USP31: variants seen among roughly 807,000 people sequenced by gnomAD.
USP31 encodes ubiquitin carboxyl-terminal hydrolase 31.
In USP31, 44 loss-of-function variants were observed where a neutral mutation model predicts 119.4. That is an observed-to-expected ratio of 0.37 (90% CI 0.29 to 0.47). The LOEUF (loss-of-function observed/expected upper bound fraction) is 0.47. Ranked by LOEUF, USP31 falls within the 20% of genes least tolerant of loss-of-function variation. USP31 has a pLI of 0.99. For missense variants in USP31, 1,643 were observed against 1,730.2 expected, an observed-to-expected ratio of 0.95 and a Z score of 0.89; for synonymous variants, 749 against 705.6, an observed-to-expected ratio of 1.06 and a Z score of -0.97.
intron 1 of USP31, among the ~76,000 whole-genome samples, chr16:23,131,978 T>A (rs1346565208): frequency 6.6e-6 from 1 of 152,158 alleles, no homozygotes. Context: ...TTCTAAAGCG[T>A]CAACTGTTTA....
intron 6 of USP31, among the ~76,000 whole-genome samples, chr16:23,099,634 T>C (rs895063392): frequency 2.6e-5 from 4 of 152,114 alleles, no homozygotes; most frequent in African/African-American, 7.2e-5. Context: ...TTTGATAAAG[T>C]GTCAGACATG....
rs1419653046 is a variant in USP31, at chr16:23,065,776, G to T, written c.*2270C>A. 1 of 151,880 alleles carries T rather than the reference G, an allele frequency of 6.6e-6. No individual in the cohort carries two copies. Among genetic ancestry groups the T allele is most frequent in the African/African-American group, 2.4e-5 (1 of 41,300 alleles). The allele number at this position is 151,880 out of a possible 1,614,324, so 9.4% of individuals were successfully genotyped here. On this transcript the variant is annotated 3_prime_UTR_variant, in exon 16 of 16. Coordinates refer to ENST00000219689, the MANE Select transcript of USP31 (RefSeq NM_020718.4). ...CAAGAATAAAAATATTTACCACTGTGAAAATTAAACTAGTTTCTATTAATG... is the reference window on the plus strand; with the variant it reads ...CAAGAATAAAAATATTTACCACTGTTAAAATTAAACTAGTTTCTATTAATG...
intron 1 of USP31, among the ~76,000 whole-genome samples, chr16:23,144,332 G>T (rs1172846486): frequency 6.6e-6 from 1 of 152,124 alleles, no homozygotes; most frequent in Non-Finnish European, 1.5e-5. Flanking sequence ...GCTGCCTGGA[G>T]CCCTTCTAGA....
chr16:23,095,042 T>A (rs1348635718), intron 6 of USP31, among the ~76,000 whole-genome samples: 2 of 152,082 alleles, frequency 1.3e-5, no homozygotes, highest in Admixed American at 1.3e-4. Flanking sequence ...AGAAGGTTGG[T>A]TCTCTGAGCT....
chr16:23,068,520 G>C lies in USP31; in HGVS notation c.3585C>G (p.His1195Gln). The change falls in exon 16 of 16, where the codon CAC (histidine) becomes CAG (glutamine). Residue 1195 changes from histidine (H) to glutamine (Q), a missense_variant. Around this residue, in one of 5 missense-constraint regions of USP31, gnomAD observed 699 missense variants for 650.9 expected, o/e 1.07. Transcript: ENST00000219689. Reference protein sequence around the residue: ...RAGEGRGAGKHVRSSSMASLR... With the variant: ...RAGEGRGAGKQVRSSSMASLR... ...GGCTGGCCATGGAGGAGCTCCGCAC[G>C]TGCTTCCCGGCCCCCCTGCCCTCCC... 6.2e-7 allele frequency: 1 copy of C among 1,613,838 alleles called. No individual in the cohort carries two copies. Among genetic ancestry groups the C allele is most frequent in the Non-Finnish European group, 8.5e-7 (1 of 1,179,888 alleles).
At chr16:23,085,694 A>C in intron 9 of USP31, 32 bp from the exon 10 acceptor site, 3 of 1,535,112 alleles carry the variant, frequency 2.0e-6, no homozygotes. Flanking sequence ...GAGGGAAGCC[A>C]CATATTATTT....
Position 23,068,592 on chromosome 16 carries a change from G to A in USP31, c.3513C>T (p.Thr1171=). 1.2e-6 allele frequency: 2 copies of A among 1,614,222 alleles called. No homozygotes were observed. The highest frequency in any genetic ancestry group is 1.7e-6 in the Non-Finnish European group (2 of 1,180,044). Reference sequence around the variant, plus strand: ...GAGGGGAATTGGGTTTGGAGGTGGAGGTGGCGCTGGCTCTGTCAGAACCCA... The same window carrying A: ...GAGGGGAATTGGGTTTGGAGGTGGAAGTGGCGCTGGCTCTGTCAGAACCCA... The part of the protein sequence containing the change: ...QSLGSDRASA[T]STSKPNSPRV... The change falls in exon 16 of 16, where the codon ACC becomes ACT. Residue 1171 remains threonine (T), a synonymous_variant. Transcript: ENST00000219689.
rs1358744007 is a variant in USP31, at chr16:23,064,099, T to TAC, written c.*3945_*3946dup. On this transcript the variant is annotated 3_prime_UTR_variant, in exon 16 of 16. Coordinates refer to ENST00000219689, the MANE Select transcript of USP31 (RefSeq NM_020718.4). ...GTTTGCCTTTCTCAACTACAAATAATACAAAGTTCCACGCACCTCCAGAAT... is the reference window on the plus strand; with the variant it reads ...GTTTGCCTTTCTCAACTACAAATAATACACAAAGTTCCACGCACCTCCAGAAT... The TAC allele has an allele frequency of 6.6e-6, 1 of 152,638 alleles. No homozygotes were observed. The highest frequency in any genetic ancestry group is 1.5e-5 in the Non-Finnish European group (1 of 68,034). The allele number at this position is 152,638 out of a possible 1,614,324, so 9.5% of individuals were successfully genotyped here. A position where few individuals can be genotyped will look rare whatever the true frequency, so the allele number is the denominator to read the frequency against.
chr16:23,089,064 A>T (rs1901237289), intron 7 of USP31, among the ~76,000 whole-genome samples: 1 of 152,218 alleles, frequency 6.6e-6, no homozygotes, highest in South Asian at 2.1e-4. Context: ...ATATTTTTTT[A>T]AAATAATGAC....
At chr16:23,108,868 T>C (rs1000954835) in intron 1 of USP31, among the ~76,000 whole-genome samples, 1 of 152,236 alleles carries the variant, frequency 6.6e-6, no homozygotes, top group African/African-American at 2.4e-5. Context: ...TTTGCTAAAA[T>C]GCTAAACTTT....
chr16:23,148,580 C>G, intron 1 of USP31, 58 bp downstream of exon 1: 1 of 1,405,222 alleles, frequency 7.1e-7, no homozygotes, highest in Admixed American at 3.5e-5. Flanking sequence ...AAGACCTGGG[C>G]GGGCAGGTGC....
At chr16:23,140,867 G>C (rs1259002015) in intron 1 of USP31, among the ~76,000 whole-genome samples, 2 of 152,152 alleles carry the variant, frequency 1.3e-5, no homozygotes, top group Admixed American at 6.6e-5. Context: ...CTCTGCTCCA[G>C]TGTCTTGCCA....
chr16:23,102,441 T>C lies in USP31; in HGVS notation c.1112A>G (p.Tyr371Cys), dbSNP rs114649866. ...TDQIVLTEMY[Y>C]DGFHRSFCDT... The stretch of plus-strand genomic sequence containing the variant: ...ACAAAAGGAACGATGGAACCCATCA[T>C]AGTACATTTCTGTTAACACAATCTA... The change falls in exon 6 of 16, where the codon TAT (tyrosine) becomes TGT (cysteine). Residue 371 changes from tyrosine (Y) to cysteine (C), a missense_variant. By Grantham distance (194) the Tyr-to-Cys change is radical. Transcript: ENST00000219689. 388 of 1,611,202 alleles carry C rather than the reference T, an allele frequency of 2.4e-4. 3 individuals carry two copies. The East Asian group carries it at 8.5e-3, about 35-fold the overall frequency.
intron 13 of USP31, among the ~76,000 whole-genome samples, chr16:23,078,319 A>AGC (rs1567227330): frequency 6.6e-6 from 1 of 151,836 alleles, no homozygotes; most frequent in Non-Finnish European, 1.5e-5. Flanking sequence ...GCAAAAAAAA[A>AGC]AAAAAAAAAA....
chr16:23,090,592 A>C (rs780804490), intron 7 of USP31, 32 bp downstream of exon 7: 3 of 1,572,634 alleles, frequency 1.9e-6, no homozygotes, highest in Non-Finnish European at 2.6e-6. Context: ...GTTACAGTCT[A>C]GGTACTTACT....
intron 1 of USP31, among the ~76,000 whole-genome samples, chr16:23,129,251 G>A (rs1300013068): frequency 6.6e-6 from 1 of 152,154 alleles, no homozygotes; most frequent in African/African-American, 2.4e-5. Context: ...GAGGTTGTGA[G>A]CGACAACAGA....
At chr16:23,140,433 G>T (rs1903321451) in intron 1 of USP31, among the ~76,000 whole-genome samples, 1 of 152,134 alleles carries the variant, frequency 6.6e-6, no homozygotes, top group Non-Finnish European at 1.5e-5. Context: ...CAACAACAAA[G>T]AATTAGCCAG....
intron 1 of USP31, among the ~76,000 whole-genome samples, chr16:23,112,249 T>G (rs1019441673): frequency 6.6e-6 from 1 of 152,204 alleles, no homozygotes; most frequent in Non-Finnish European, 1.5e-5. Context: ...AGTGCTTTTT[T>G]CTCAGTCTTC....
intron 1 of USP31, among the ~76,000 whole-genome samples, chr16:23,108,628 T>C (rs1261984499): frequency 1.3e-5 from 2 of 152,208 alleles, no homozygotes; most frequent in South Asian, 2.1e-4. Flanking sequence ...AAATAAGTAG[T>C]GTGAAATGTG....
Sources: allele counts gnomAD v4.1 joint callset (sites outside exome capture counted in the v4.1 genomes callset), GRCh38; gene constraint gnomAD v4.1.1; regional missense constraint gnomAD v4.1.1; transcripts MANE v1.5; gene names NCBI Gene and HGNC (gene_info 2026-07-23, HGNC 2026-07-21).